SLC1A2: variants seen among roughly 807,000 people sequenced by gnomAD.
SLC1A2 encodes solute carrier family 1 member 2, also known as excitatory amino acid transporter 2.
A neutral mutation model predicts 48.8 loss-of-function variants in SLC1A2; 15 were observed. The ratio of observed to expected loss-of-function variants is 0.31; its 90% confidence interval spans 0.21 to 0.47. The LOEUF is 0.47. SLC1A2 is among the 20% of genes least tolerant of loss of function. The pLI is 0.99. For synonymous variants in SLC1A2, 279 were observed against 272.6 expected (o/e 1.02, Z -0.23); for missense variants, 502 against 730.5 (o/e 0.69, Z 3.61).
intron 6 of SLC1A2, chr11:35,299,349 C>CTGTGTG (rs1224136248): frequency 1.5e-4 from 16 of 106,622 alleles, no homozygotes; most frequent in Admixed American, 8.3e-4. Flanking sequence ...CTCTCTCTCT[C>CTGTGTG]TCTCTGTGTG....
At chr11:35,293,673 G>A (rs1238226035) in intron 6 of SLC1A2, among the ~76,000 whole-genome samples, 1 of 152,144 alleles carries the variant, frequency 6.6e-6, no homozygotes, top group Admixed American at 6.6e-5. Context: ...AAGACTATGG[G>A]GAGAATGAAG....
At chr11:35,415,872 C>T (rs1855588587) in intron 1 of SLC1A2, among the ~76,000 whole-genome samples, 1 of 152,176 alleles carries the variant, frequency 6.6e-6, no homozygotes, top group Admixed American at 6.5e-5. Flanking sequence ...ATGCCTGCCT[C>T]TTCAGCATCT....
chr11:35,354,059 T>A (rs1853367333), intron 1 of SLC1A2, among the ~76,000 whole-genome samples: 1 of 152,232 alleles, frequency 6.6e-6, no homozygotes, highest in Non-Finnish European at 1.5e-5. Context: ...CCCTTGGGTC[T>A]GATCGTTATA....
intron 1 of SLC1A2, among the ~76,000 whole-genome samples, chr11:35,353,181 T>TGAGGG (rs1210645441): frequency 4.6e-5 from 7 of 152,186 alleles, no homozygotes; most frequent in African/African-American, 7.2e-5. Context: ...TAAGGGTGAC[T>TGAGGG]TAGAATGGAG....
At chr11:35,359,710 T>C (rs147127660) in intron 1 of SLC1A2, among the ~76,000 whole-genome samples, 79 of 152,378 alleles carry the variant, frequency 5.2e-4, no homozygotes, top group African/African-American at 1.8e-3. Flanking sequence ...GGCACTGGCA[T>C]GCAGAGACCT....
chr11:35,270,522 C>A (rs562626055), intron 9 of SLC1A2, among the ~76,000 whole-genome samples: 1 of 152,288 alleles, frequency 6.6e-6, no homozygotes, highest in East Asian at 1.9e-4. Flanking sequence ...TGTGTAAGGG[C>A]ACTATGCCAA....
chr11:35,338,788 C>T (rs116040173), intron 1 of SLC1A2, among the ~76,000 whole-genome samples: 1,864 of 152,192 alleles, frequency 0.012, 37 homozygotes, highest in African/African-American at 0.043. Context: ...GGTAGGCTTC[C>T]CTCACTTGCA....
intron 1 of SLC1A2, among the ~76,000 whole-genome samples, chr11:35,363,924 C>A (rs1853763016): frequency 6.6e-6 from 1 of 152,160 alleles, no homozygotes. Context: ...TGTACCTGCA[C>A]TGAGTGGTAT....
intron 6 of SLC1A2, among the ~76,000 whole-genome samples, chr11:35,296,724 A>T (rs1851183458): frequency 1.3e-5 from 2 of 151,974 alleles, no homozygotes; most frequent in South Asian, 4.2e-4. Flanking sequence ...TTCTCCCCTC[A>T]GTTCTTCACC....
chr11:35,324,927 G>T lies in SLC1A2; in HGVS notation c.18-7411C>A, dbSNP rs1469896377. 5.3e-5 allele frequency among the ~76,000 whole-genome samples: 8 copies of T among 152,162 alleles called. 1 individual carries two copies. The highest frequency in any genetic ancestry group is 1.2e-4 in the Non-Finnish European group (8 of 68,028). On this transcript the variant is annotated intron_variant, in intron 1 of 10. Coordinates refer to ENST00000278379, the MANE Select transcript of SLC1A2 (RefSeq NM_004171.4). ...AATGAGAGACTGGGGTGGGGTGTTT[G>T]ATCATCTCAAATTGGGAACCTCTTC...
intron 1 of SLC1A2, among the ~76,000 whole-genome samples, chr11:35,417,655 G>A (rs1855649745): frequency 6.6e-6 from 1 of 152,140 alleles, no homozygotes; most frequent in Non-Finnish European, 1.5e-5. Flanking sequence ...AATCAAAAAA[G>A]TCTAAACTGC....
chr11:35,321,959 C>T (rs762693846), intron 1 of SLC1A2, among the ~76,000 whole-genome samples: 7 of 152,048 alleles, frequency 4.6e-5, no homozygotes, highest in Non-Finnish European at 1.0e-4. Context: ...GCTTGACTGC[C>T]TCCTAAATTG....
Position 35,277,272 on chromosome 11 carries a change from C to T in SLC1A2, c.1421+3595G>A, listed in dbSNP as rs554312011. On this transcript the variant is annotated intron_variant, in intron 9 of 10. Coordinates refer to ENST00000278379, the MANE Select transcript of SLC1A2 (RefSeq NM_004171.4). ...TGGGCCTCTCTGCTCCTCCTCCCCA[C>T]TGTTAGAACACTTAGTACAAATTAG... Among the ~76,000 whole-genome samples the T allele has an allele frequency of 3.3e-5, 5 of 152,340 alleles. No homozygotes were observed. In the South Asian group the frequency reaches 1.0e-3, roughly 32 times the overall value.
chr11:35,291,785 G>T, intron 7 of SLC1A2: 1 of 159,312 alleles, frequency 6.3e-6, no homozygotes, highest in Non-Finnish European at 1.4e-5. Flanking sequence ...TTCGTGTCGA[G>T]GTCAAAGACT....
At chr11:35,282,868 G>C (rs563633679) in intron 8 of SLC1A2, among the ~76,000 whole-genome samples, 1 of 152,034 alleles carries the variant, frequency 6.6e-6, no homozygotes, top group Non-Finnish European at 1.5e-5. Flanking sequence ...CTCACCCTCC[G>C]GTAGGCACTG....
intron 5 of SLC1A2, among the ~76,000 whole-genome samples, chr11:35,303,351 T>C (rs990443410): frequency 6.6e-6 from 1 of 152,334 alleles, no homozygotes. Flanking sequence ...TCACATTTAG[T>C]ATCTCCTCTT....
intron 1 of SLC1A2, among the ~76,000 whole-genome samples, chr11:35,332,227 G>T (rs1386298386): frequency 1.3e-5 from 2 of 152,176 alleles, no homozygotes; most frequent in African/African-American, 2.4e-5. Context: ...AGTCATTCCA[G>T]CAGCACCACG....
At chr11:35,297,664 T>A (rs1269071996) in intron 6 of SLC1A2, 2 of 152,184 alleles carry the variant, frequency 1.3e-5, no homozygotes, top group East Asian at 3.8e-4. Flanking sequence ...ATGTTTTAAA[T>A]AACTACCTAA....
intron 1 of SLC1A2, 139 bp from the exon 2 acceptor site, chr11:35,317,655 A>G (rs1851927710): frequency 1.0e-6 from 1 of 1,002,792 alleles, no homozygotes; most frequent in Non-Finnish European, 1.5e-6. Flanking sequence ...AGTGTGACTC[A>G]GGGTCACCTA....
Sources: gnomAD v4.1 joint callset for allele counts (sites outside exome capture counted in the v4.1 genomes callset) on GRCh38, gnomAD v4.1.1 for gene constraint, MANE v1.5 for transcripts, NCBI Gene and HGNC (gene_info 2026-07-23, HGNC 2026-07-21) for gene names.